Variants in MACROD2 observed in about 807,000 individuals in gnomAD.
MACROD2 encodes mono-ADP ribosylhydrolase 2.
MACROD2 carries 36 observed loss-of-function variants against 70.4 expected under a neutral mutation model. The observed-to-expected ratio is 0.51, with a 90% CI of 0.39 to 0.68. MACROD2 has a LOEUF of 0.68. MACROD2 is among the 30% of genes least tolerant of loss of function. The pLI, the probability that MACROD2 is intolerant of heterozygous loss-of-function variation, is 0.00. For missense variants in MACROD2, 496 were observed against 538.4 expected (o/e 0.92, Z 0.78); for synonymous variants, 172 against 178.8 (o/e 0.96, Z 0.30).
intron 3 of MACROD2, among the ~76,000 whole-genome samples, chr20:14,383,558 G>A (rs2083443932): frequency 6.6e-6 from 1 of 152,168 alleles, no homozygotes; most frequent in Admixed American, 6.5e-5. Flanking sequence ...TGATGCCAAA[G>A]GGATAGAAAG....
chr20:15,946,799 G>A lies in MACROD2; in HGVS notation c.907+9255G>A, dbSNP rs1012715053. Among the ~76,000 whole-genome samples the A allele has an allele frequency of 6.6e-5, 10 of 152,230 alleles. No homozygotes were observed. The East Asian group carries it at 9.7e-4, about 15-fold the overall frequency. On this transcript the variant is annotated intron_variant, in intron 12 of 17. Coordinates refer to ENST00000684519, the MANE Select transcript of MACROD2 (RefSeq NM_001351661.2). ...CCCAGGGGACCAGCACTCAGCACAC[G>A]GAGGACCTGCACAGGCACCGGTCTC...
chr20:14,271,460 A>G (rs2082195155), intron 3 of MACROD2, among the ~76,000 whole-genome samples: 1 of 152,194 alleles, frequency 6.6e-6, no homozygotes, highest in South Asian at 2.1e-4. Flanking sequence ...AAACTAACAA[A>G]CAGAAAGGAC....
chr20:15,621,688 G>A (rs200755), intron 8 of MACROD2, among the ~76,000 whole-genome samples: 50,089 of 151,968 alleles, frequency 0.33, 8,607 homozygotes, highest in African/African-American at 0.43. Flanking sequence ...TTTGTCTTTA[G>A]AGTAGTGCTG....
At chr20:15,316,777 T>C (rs750637008) in intron 6 of MACROD2, among the ~76,000 whole-genome samples, 24 of 152,038 alleles carry the variant, frequency 1.6e-4, no homozygotes, top group Admixed American at 2.6e-4. Flanking sequence ...GTTTCCAGAA[T>C]AGACCATACG....
At chr20:16,002,899 GGT>G (rs779364563) in intron 15 of MACROD2, among the ~76,000 whole-genome samples, 8 of 152,096 alleles carry the variant, frequency 5.3e-5, no homozygotes, top group Non-Finnish European at 1.2e-4. Flanking sequence ...TCTTTTGGGT[GGT>G]GATGAGGCAA....
intron 4 of MACROD2, among the ~76,000 whole-genome samples, chr20:14,665,637 T>A (rs2070728919): frequency 6.6e-6 from 1 of 152,114 alleles, no homozygotes; most frequent in East Asian, 1.9e-4. Context: ...GAAGCCATTC[T>A]TACCTAAGTT....
intron 8 of MACROD2, among the ~76,000 whole-genome samples, chr20:15,541,739 T>C (rs750957233): frequency 2.0e-5 from 3 of 152,188 alleles, no homozygotes; most frequent in Non-Finnish European, 4.4e-5. Flanking sequence ...CCAATATACA[T>C]AGGACCTTAT....
At chr20:15,757,702 C>A (rs1235554439) in intron 8 of MACROD2, among the ~76,000 whole-genome samples, 1 of 152,084 alleles carries the variant, frequency 6.6e-6, no homozygotes, top group Admixed American at 6.6e-5. Flanking sequence ...CTGGTGAGGA[C>A]CCTCTTTCTC....
intron 8 of MACROD2, among the ~76,000 whole-genome samples, chr20:15,654,102 G>A (rs145409655): frequency 7.9e-4 from 121 of 152,258 alleles, no homozygotes; most frequent in Middle Eastern, 3.4e-3. Context: ...AGCAGGCTGC[G>A]CCGGCCCTAA....
At chr20:15,180,647 A>G (rs1397102804) in intron 5 of MACROD2, among the ~76,000 whole-genome samples, 5 of 152,154 alleles carry the variant, frequency 3.3e-5, no homozygotes, top group Non-Finnish European at 1.5e-5. Flanking sequence ...TCTCTTCTCT[A>G]GAAGCTAGTT....
rs1349457077 is a variant in MACROD2 at position 13,999,539 on chromosome 20, T to C, written c.47-2749T>C. On this transcript the variant is annotated intron_variant, in intron 1 of 17. Coordinates refer to ENST00000684519, the MANE Select transcript of MACROD2 (RefSeq NM_001351661.2). ...GTAGGAAACTATATGAGGCGAAATATTGTGAGGTTAAGAGCTTTGAATACC... is the reference window on the plus strand; with the variant it reads ...GTAGGAAACTATATGAGGCGAAATACTGTGAGGTTAAGAGCTTTGAATACC... 2.0e-5 allele frequency among the ~76,000 whole-genome samples: 3 copies of C among 152,210 alleles called. No individual in the cohort carries two copies. The East Asian group carries it at 5.8e-4, about 29-fold the overall frequency.
intron 4 of MACROD2, among the ~76,000 whole-genome samples, chr20:14,560,308 T>TATACACAC (rs1724540893): frequency 6.8e-6 from 1 of 147,350 alleles, no homozygotes; most frequent in Non-Finnish European, 1.5e-5. Context: ...GTACTTAATG[T>TATACACAC]ACACACACAC....
chr20:14,085,068 G>A (rs62209490), intron 2 of MACROD2, among the ~76,000 whole-genome samples: 32 of 218 alleles, frequency 0.15, no homozygotes, highest in African/African-American at 0.32. Context: ...GGGGCTGAGG[G>A]CAGAGAATCT....
intron 8 of MACROD2, among the ~76,000 whole-genome samples, chr20:15,652,962 A>G (rs1255357966): frequency 6.6e-6 from 1 of 152,200 alleles, no homozygotes; most frequent in African/African-American, 2.4e-5. Flanking sequence ...CATTATTGTT[A>G]ATTGGCCTGA....
intron 3 of MACROD2, among the ~76,000 whole-genome samples, chr20:14,384,531 C>G (rs2083452545): frequency 1.3e-5 from 2 of 152,070 alleles, no homozygotes. Flanking sequence ...TATTGCCAAT[C>G]TACATTCCAT....
At chr20:14,921,645 C>A (rs1443595367) in intron 5 of MACROD2, among the ~76,000 whole-genome samples, 1 of 152,168 alleles carries the variant, frequency 6.6e-6, no homozygotes, top group South Asian at 2.1e-4. Context: ...TTGCAAATGG[C>A]AGCATAAATA....
intron 3 of MACROD2, among the ~76,000 whole-genome samples, chr20:14,434,183 A>G (rs144154215): frequency 2.6e-5 from 4 of 152,330 alleles, no homozygotes; most frequent in East Asian, 1.9e-4. Flanking sequence ...CTCAAATTCT[A>G]TAATGCGATT....
At chr20:14,574,786 T>C (rs1053618434) in intron 4 of MACROD2, among the ~76,000 whole-genome samples, 1 of 145,226 alleles carries the variant, frequency 6.9e-6, no homozygotes, top group East Asian at 2.0e-4. Flanking sequence ...CCGGGGCGGG[T>C]GGATCATGAG....
At chr20:15,550,720 C>T (rs1323801827) in intron 8 of MACROD2, among the ~76,000 whole-genome samples, 1 of 152,206 alleles carries the variant, frequency 6.6e-6, no homozygotes, top group Non-Finnish European at 1.5e-5. Context: ...TGATGACCTT[C>T]TAATCCTGTT....
Sources: gnomAD v4.1 joint callset for allele counts (sites outside exome capture counted in the v4.1 genomes callset) on GRCh38, gnomAD v4.1.1 for gene constraint, MANE v1.5 for transcripts, NCBI Gene and HGNC (gene_info 2026-07-23, HGNC 2026-07-21) for gene names.